The following STAB2 variants were observed in gnomAD, a reference collection of about 807,000 sequenced individuals.
STAB2 encodes the protein stabilin 2, also known as stabilin-2.
In STAB2, 288 loss-of-function variants were observed where a neutral mutation model predicts 338.1. That is an observed-to-expected ratio of 0.85 (90% CI 0.77 to 0.94). The LOEUF (loss-of-function observed/expected upper bound fraction) is 0.94, where lower values mean the gene tolerates loss of function less well. Ranked by LOEUF, STAB2 falls within the 40% of genes least tolerant of loss-of-function variation. The pLI is 0.00. For synonymous variants in STAB2, 1,202 were observed against 1,193.3 expected, an observed-to-expected ratio of 1.01 and a Z score of -0.15; for missense variants, 3,141 against 3,210.1, an observed-to-expected ratio of 0.98 and a Z score of 0.52.
intron 47 of STAB2, 104 bp from the exon 48 acceptor site, chr12:103,728,745 G>C (rs1881405656): frequency 7.0e-7 from 1 of 1,429,058 alleles, no homozygotes; most frequent in South Asian, 1.3e-5. Context: ...AGTCTGGGTG[G>C]GCCGAGAGGT....
chr12:103,621,303 G>T (rs996975594), intron 4 of STAB2, among the ~76,000 whole-genome samples: 1 of 152,082 alleles, frequency 6.6e-6, no homozygotes, highest in Non-Finnish European at 1.5e-5. Flanking sequence ...TAGGCTTACC[G>T]GTTCAAGATT....
intron 9 of STAB2, among the ~76,000 whole-genome samples, chr12:103,640,854 T>C (rs1053145192): frequency 6.6e-6 from 1 of 152,158 alleles, no homozygotes; most frequent in Non-Finnish European, 1.5e-5. Flanking sequence ...AGTGGCACCA[T>C]ATCTCTGGCC....
intron 5 of STAB2, among the ~76,000 whole-genome samples, chr12:103,630,358 T>C (rs973557085): frequency 6.6e-6 from 1 of 152,228 alleles, no homozygotes; most frequent in African/African-American, 2.4e-5. Flanking sequence ...CTGGTATTTC[T>C]GGTTAAGTTT....
At chr12:103,589,763 G>A (rs534437383) in intron 1 of STAB2, among the ~76,000 whole-genome samples, 15 of 152,286 alleles carry the variant, frequency 9.8e-5, no homozygotes, top group African/African-American at 3.6e-4. Context: ...GTTAGGAGAG[G>A]AAACAGGCAC....
At chr12:103,621,444 A>G (rs1208884384) in intron 4 of STAB2, among the ~76,000 whole-genome samples, 4 of 152,190 alleles carry the variant, frequency 2.6e-5, no homozygotes, top group Non-Finnish European at 5.9e-5. Context: ...TCAGAAATGC[A>G]AAACTGAGGT....
chr12:103,643,930 G>C (rs1873117367), intron 9 of STAB2, among the ~76,000 whole-genome samples: 1 of 105,928 alleles, frequency 9.4e-6, no homozygotes, highest in Non-Finnish European at 2.0e-5. Flanking sequence ...CCTCTGCCCG[G>C]CCAGCCGCCC....
At chr12:103,621,904 A>G in intron 4 of STAB2, 138 bp from the exon 5 acceptor site, 1 of 732,880 alleles carries the variant, frequency 1.4e-6, no homozygotes, top group Non-Finnish European at 2.3e-6. Flanking sequence ...AACACAAATA[A>G]ACAGAAAGAA....
chr12:103,686,504 T>C (rs1311778607), intron 27 of STAB2, among the ~76,000 whole-genome samples: 1 of 152,116 alleles, frequency 6.6e-6, no homozygotes, highest in Non-Finnish European at 1.5e-5. Context: ...ACTTCACTCT[T>C]GTTTTTGGTC....
intron 48 of STAB2, among the ~76,000 whole-genome samples, chr12:103,729,271 T>A (rs1881454497): frequency 1.3e-5 from 2 of 152,124 alleles, no homozygotes; most frequent in African/African-American, 4.8e-5. Flanking sequence ...ACCTGGGTGA[T>A]GAAATAATCT....
At chr12:103,669,296 T>G in intron 20 of STAB2, 1 of 438,966 alleles carries the variant, frequency 2.3e-6, no homozygotes, top group Non-Finnish European at 4.1e-6. Context: ...TCCACAAGCA[T>G]GAGCCTTCCT....
At chr12:103,705,319 G>A (rs973113181) in intron 36 of STAB2, among the ~76,000 whole-genome samples, 10 of 152,168 alleles carry the variant, frequency 6.6e-5, no homozygotes, top group Non-Finnish European at 1.2e-4. Flanking sequence ...GTCAATGTAC[G>A]GTGCTGGAAG....
intron 1 of STAB2, 122 bp downstream of exon 1, chr12:103,587,679 T>C (rs1956732220): frequency 1.2e-6 from 1 of 803,618 alleles, no homozygotes; most frequent in African/African-American, 1.7e-5. Context: ...ATACAGAGAA[T>C]GTTTTTGGAG....
chr12:103,716,540 C>T (rs960142429), intron 43 of STAB2, among the ~76,000 whole-genome samples: 1 of 152,162 alleles, frequency 6.6e-6, no homozygotes, highest in East Asian at 1.9e-4. Context: ...CCAGTGAATG[C>T]TCTATTGACC....
intron 65 of STAB2, 102 bp downstream of exon 65, chr12:103,759,375 A>C (rs146423004): frequency 4.2e-4 from 613 of 1,476,770 alleles, no homozygotes; most frequent in Non-Finnish European, 5.2e-4. Flanking sequence ...ATGCAAACAT[A>C]AACTCTAAAC....
intron 25 of STAB2, among the ~76,000 whole-genome samples, chr12:103,678,481 C>T (rs979960037): frequency 6.6e-6 from 1 of 152,172 alleles, no homozygotes; most frequent in Non-Finnish European, 1.5e-5. Context: ...CCACCTCCTA[C>T]CTTCCCTTTC....
chr12:103,749,784 G>A (rs1593330347), intron 59 of STAB2, among the ~76,000 whole-genome samples: 1 of 136,306 alleles, frequency 7.3e-6, no homozygotes, highest in South Asian at 2.5e-4. Context: ...AGCTTGCAGT[G>A]AGCCGAGATC....
At position 103,662,965 on chromosome 12, in the gene STAB2, T is replaced by A. The variant is rs746701392; in HGVS notation, c.1989T>A (p.His663Gln). 5 of 1,614,072 alleles carry A rather than the reference T, an allele frequency of 3.1e-6. No homozygotes were observed. In the Admixed American group the frequency reaches 6.7e-5, roughly 22 times the overall value. Residue 663 changes from histidine to glutamine, a missense_variant, in exon 18 of 69, where the codon CAT (histidine) becomes CAA (glutamine). His to Gln is a conservative substitution (Grantham distance 24). Transcript: ENST00000388887. ...IPPSIVPILP[H>Q]RCDETKREMK... is the part of the protein sequence containing the mutation. ...CCTCCATTGTCCCGATTCTGCCCCA[T>A]CGATGTGATGAAACAAAGAGAGAGA...
chr12:103,643,379 G>A (rs1485935727), intron 9 of STAB2, among the ~76,000 whole-genome samples: 4 of 152,048 alleles, frequency 2.6e-5, no homozygotes, highest in Admixed American at 1.3e-4. Flanking sequence ...GCCCTTGCAC[G>A]TGCTCTTCCT....
At chr12:103,638,906 A>G (rs1159575180) in intron 8 of STAB2, among the ~76,000 whole-genome samples, 1 of 152,238 alleles carries the variant, frequency 6.6e-6, no homozygotes, top group Non-Finnish European at 1.5e-5. Context: ...GGTAGGAGGA[A>G]GGGCTCAGTG....
Sources: gnomAD v4.1 joint callset for allele counts (sites outside exome capture counted in the v4.1 genomes callset) on GRCh38, gnomAD v4.1.1 for gene constraint, MANE v1.5 for transcripts, NCBI Gene and HGNC (gene_info 2026-07-23, HGNC 2026-07-21) for gene names.